The following S100A5 variants were observed in gnomAD, a reference collection of about 807,000 sequenced individuals.
The protein encoded by S100A5 is protein S100-A5.
In S100A5, 5 loss-of-function variants were observed where a neutral mutation model predicts 6.7. That is an observed-to-expected ratio of 0.75 (90% CI 0.39 to 1.57). S100A5 has a LOEUF of 1.57. Ranked by LOEUF, S100A5 falls within the 40% of genes most tolerant of loss-of-function variation. S100A5 has a pLI of 0.03. For synonymous variants in S100A5, 49 were observed against 44.9 expected, an observed-to-expected ratio of 1.09 and a Z score of -0.37; for missense variants, 129 against 110.8, an observed-to-expected ratio of 1.16 and a Z score of -0.74.
rs769167385 is a variant in S100A5 at position 153,537,381 on chromosome 1, T to C, written c.194A>G (p.Gln65Arg). 3 of 1,614,190 alleles carry C rather than the reference T, an allele frequency of 1.9e-6. No individual in the cohort carries two copies. The highest frequency in any genetic ancestry group is 3.3e-4 in the Middle Eastern group (2 of 6,062). Reference sequence around the variant, plus strand: ...CGAGTACTCCTTGAAGTCGATCTCCTGGTCGCTGTTCTTGTCCAGGCTCTT... The same window carrying C: ...CGAGTACTCCTTGAAGTCGATCTCCCGGTCGCTGTTCTTGTCCAGGCTCTT... Reference protein sequence around the residue: ...LMKSLDKNSDQEIDFKEYSVF... With the variant: ...LMKSLDKNSDREIDFKEYSVF... Residue 65 changes from glutamine (Q) to arginine (R), a missense_variant, in exon 3 of 3, where the codon CAG (glutamine) becomes CGG (arginine). Gln to Arg is a conservative substitution (Grantham distance 43). Transcript: ENST00000368717.
chr1:153,539,598 C>T (rs970169461), intron 2 of S100A5, among the ~76,000 whole-genome samples: 1 of 151,394 alleles, frequency 6.6e-6, no homozygotes, highest in Non-Finnish European at 1.5e-5. Context: ...TCCTCACTAC[C>T]CTATGTTTAC....
chr1:153,542,693 T>C (rs922059811), upstream of S100A5, among the ~76,000 whole-genome samples: 10 of 152,194 alleles, frequency 6.6e-5, no homozygotes, highest in Admixed American at 3.3e-4. Context: ...GGCCTTGAAG[T>C]CTAACCTCAA....
upstream of S100A5, among the ~76,000 whole-genome samples, chr1:153,542,172 A>C (rs971213654): frequency 6.6e-6 from 1 of 152,154 alleles, no homozygotes; most frequent in Non-Finnish European, 1.5e-5. Context: ...CCTGTATCCC[A>C]GGAGACACTC....
chr1:153,538,313 G>T (rs1665253770), intron 2 of S100A5, among the ~76,000 whole-genome samples: 1 of 152,186 alleles, frequency 6.6e-6, no homozygotes, highest in Non-Finnish European at 1.5e-5. Flanking sequence ...TGGAGTCAGG[G>T]TCCTTTGGGT....
intron 1 of S100A5, 45 bp from the exon 2 acceptor site, chr1:153,540,250 C>T (rs1469886051): frequency 6.2e-7 from 1 of 1,604,086 alleles, no homozygotes; most frequent in Non-Finnish European, 8.5e-7. Flanking sequence ...GAAGTCACCA[C>T]CAGCAGCACT....
upstream of S100A5, chr1:153,543,251 C>G (rs769664769): frequency 1.4e-5 from 14 of 985,390 alleles, no homozygotes; most frequent in Non-Finnish European, 1.7e-5. Flanking sequence ...CCCAGGACAC[C>G]CAAACTCCAT....
upstream of S100A5, among the ~76,000 whole-genome samples, chr1:153,542,301 C>T (rs1388634163): frequency 6.6e-6 from 1 of 152,184 alleles, no homozygotes. Context: ...GGGGCCTCCC[C>T]ACTGCTCCCC....
chr1:153,539,392 A>C (rs1665293836), intron 2 of S100A5, among the ~76,000 whole-genome samples: 1 of 129,392 alleles, frequency 7.7e-6, no homozygotes, highest in African/African-American at 2.9e-5. Flanking sequence ...ATGTCACTGC[A>C]TTCCAGCCTG....
chr1:153,537,495 C>G, intron 2 of S100A5, 59 bp from the exon 3 acceptor site: 1 of 1,599,192 alleles, frequency 6.3e-7, no homozygotes, highest in East Asian at 2.2e-5. Flanking sequence ...TGCCCTCGCA[C>G]CACTGCATGG....
chr1:153,539,455 A>ATG (rs1665309359), intron 2 of S100A5, among the ~76,000 whole-genome samples: 1 of 109,702 alleles, frequency 9.1e-6, no homozygotes, highest in African/African-American at 5.0e-5. Flanking sequence ...AAAAAAATAT[A>ATG]TATATATATA....
At chr1:153,541,502 G>A, upstream of S100A5, 9 of 1,358,744 alleles carry the variant, frequency 6.6e-6, no homozygotes, top group Non-Finnish European at 7.9e-6. Context: ...AAGGGCCCAT[G>A]AGAAGTTGTT....
upstream of S100A5, chr1:153,541,912 T>C: frequency 1.0e-6 from 1 of 1,003,020 alleles, no homozygotes; most frequent in African/African-American, 1.7e-5. Context: ...AAGGATATGG[T>C]CAAGGTCATG....
rs777641582 is a variant in S100A5 at position 153,537,352 on chromosome 1, A to G, written c.223T>C (p.Phe75Leu). 2.5e-6 allele frequency: 4 copies of G among 1,614,106 alleles called. No individual in the cohort carries two copies. Among genetic ancestry groups the G allele is most frequent in the Admixed American group, 1.7e-5 (1 of 60,014 alleles). The change falls in exon 3 of 3, where the codon TTC becomes CTC. Residue 75 changes from phenylalanine to leucine, a missense_variant. Coordinates refer to ENST00000368717, the MANE Select transcript of S100A5 (RefSeq NM_001394232.1). ...TAGGCCATGCACAGCATGGTCAGGA[A>G]CACCGAGTACTCCTTGAAGTCGATC... ...QEIDFKEYSV[F>L]LTMLCMAYND...
chr1:153,539,477 T>TATA lies in S100A5; in HGVS notation c.138+576_138+577insTAT, dbSNP rs35924194. 4.3e-3 allele frequency among the ~76,000 whole-genome samples: 316 copies of TATA among 72,680 alleles called. 3 individuals are homozygous for TATA. The highest frequency in any genetic ancestry group is 5.1e-3 in the African/African-American group (85 of 16,564). 47.7% of individuals were successfully genotyped at this position (72,680 alleles called of 152,430 possible). ...TATATATATATATATATATATATATTTATTTATTTATTTATCCTCGGGGAT... is the reference window on the plus strand; with the variant it reads ...TATATATATATATATATATATATATTATATATTTATTTATTTATCCTCGGGGAT... On this transcript the variant is annotated intron_variant, in intron 2 of 2. Coordinates refer to ENST00000368717, the MANE Select transcript of S100A5 (RefSeq NM_001394232.1).
upstream of S100A5, chr1:153,543,602 C>T: frequency 1.3e-6 from 1 of 789,614 alleles, no homozygotes; most frequent in East Asian, 2.5e-5. Context: ...CCCCCAGAGT[C>T]TCTCAAACCA....
intron 2 of S100A5, among the ~76,000 whole-genome samples, chr1:153,539,473 A>ATATATATT (rs1421762845): frequency 6.8e-4 from 78 of 115,114 alleles, no homozygotes; most frequent in African/African-American, 3.3e-3. Context: ...ATATATATAT[A>ATATATATT]TATTTATTTA....
chr1:153,541,537 G>A (rs1161062649), upstream of S100A5: 3 of 1,315,154 alleles, frequency 2.3e-6, no homozygotes, highest in Non-Finnish European at 3.0e-6. Flanking sequence ...GCCCACGTCA[G>A]AGCCTCCCGG....
chr1:153,540,039 G>A lies in S100A5; in HGVS notation c.138+15C>T. On this transcript the variant is annotated intron_variant, in intron 2 of 2. Coordinates refer to ENST00000368717, the MANE Select transcript of S100A5 (RefSeq NM_001394232.1). ...CTCAGACTTTGGGGTGGAGGATGAG[G>A]GAACAATCACCTACCTCCCCAAGAC... The A allele has an allele frequency of 6.2e-7, 1 of 1,613,604 alleles. No individual in the cohort carries two copies. Among genetic ancestry groups the A allele is most frequent in the South Asian group, 1.1e-5 (1 of 91,046 alleles).
intron 2 of S100A5, among the ~76,000 whole-genome samples, chr1:153,537,857 G>A (rs1665235363): frequency 1.3e-5 from 2 of 152,148 alleles, no homozygotes; most frequent in Admixed American, 6.5e-5. Flanking sequence ...AGACCAGCCT[G>A]ACCAACATGG....
Sources: gnomAD v4.1 joint callset for allele counts (sites outside exome capture counted in the v4.1 genomes callset) on GRCh38, gnomAD v4.1.1 for gene constraint, MANE v1.5 for transcripts, NCBI Gene and HGNC (gene_info 2026-07-23, HGNC 2026-07-21) for gene names.